Variants in CEP89 observed in about 807,000 individuals in gnomAD.
CEP89 encodes the protein centrosomal protein of 89 kDa.
CEP89 carries 95 observed loss-of-function variants against 97.6 expected under a neutral mutation model. The observed-to-expected ratio is 0.97, with a 90% CI of 0.82 to 1.15. The LOEUF is 1.15. Ranked by LOEUF, CEP89 falls within the 50% of genes most tolerant of loss-of-function variation. The pLI is 0.00. For missense variants in CEP89, 869 were observed against 947.7 expected (o/e 0.92, Z 1.09); for synonymous variants, 354 against 349.1 (o/e 1.01, Z -0.16).
intron 14 of CEP89, among the ~76,000 whole-genome samples, chr19:32,914,664 G>A (rs1970082404): frequency 6.6e-6 from 1 of 152,048 alleles, no homozygotes; most frequent in Non-Finnish European, 1.5e-5. Context: ...AGTGCAGACT[G>A]CAGCCCTCAA....
chr19:32,946,784 C>T (rs1237000808), intron 5 of CEP89, among the ~76,000 whole-genome samples: 1 of 152,112 alleles, frequency 6.6e-6, no homozygotes, highest in Non-Finnish European at 1.5e-5. Context: ...GTAAGATGTG[C>T]CTTTCACCTT....
At chr19:32,968,030 G>T (rs949645282) in intron 1 of CEP89, among the ~76,000 whole-genome samples, 1 of 152,128 alleles carries the variant, frequency 6.6e-6, no homozygotes, top group East Asian at 1.9e-4. Flanking sequence ...TCTTTCAGGA[G>T]TGAGGGATGG....
At chr19:32,951,904 T>C (rs996838794) in intron 4 of CEP89, among the ~76,000 whole-genome samples, 1 of 152,140 alleles carries the variant, frequency 6.6e-6, no homozygotes, top group African/African-American at 2.4e-5. Context: ...GCTTTCCCTC[T>C]AGAACAGTGG....
intron 16 of CEP89, among the ~76,000 whole-genome samples, chr19:32,894,243 A>G (rs903073242): frequency 4.6e-5 from 7 of 152,114 alleles, no homozygotes; most frequent in African/African-American, 1.2e-4. Context: ...AAGTTATGAG[A>G]CCATACTGAC....
At chr19:32,908,583 T>C (rs940077747) in intron 14 of CEP89, among the ~76,000 whole-genome samples, 1 of 151,738 alleles carries the variant, frequency 6.6e-6, no homozygotes, top group Non-Finnish European at 1.5e-5. Context: ...AAATGAGGAG[T>C]AGGAAACTGA....
chr19:32,918,865 CTTTTTT>C lies in CEP89; in HGVS notation c.1269-532_1269-527del, dbSNP rs1396185325. 3.7e-5 allele frequency among the ~76,000 whole-genome samples: 5 copies of C among 134,180 alleles called. 2 individuals carry two copies. The highest frequency in any genetic ancestry group is 1.7e-4 in the Admixed American group (2 of 12,074). The allele number at this position is 134,180 out of a possible 152,430, so 88.0% of individuals were successfully genotyped here. On this transcript the variant is annotated intron_variant, in intron 12 of 18. Transcript: ENST00000305768. The stretch of plus-strand genomic sequence containing the variant: ...CAGGCTTTGAAATGGTTTCTTTTTT[CTTTTTT>C]CTTTTTCTTTTTCTTTTTTTTTTTT...
Position 32,937,782 on chromosome 19 carries a change from C to A in CEP89, c.625-109G>T. On this transcript the variant is annotated intron_variant, in intron 6 of 18. Coordinates refer to ENST00000305768, the MANE Select transcript of CEP89 (RefSeq NM_032816.5). ...GCAGGTATATAAGCATGCTTTATTT[C>A]CTTCATTTTGACTCTTGTTCTTTGT... 3.9e-6 allele frequency: 3 copies of A among 771,034 alleles called. No homozygotes were observed. In the East Asian group the frequency reaches 7.5e-5, roughly 19 times the overall value. 47.8% of individuals were successfully genotyped at this position (771,034 alleles called of 1,614,324 possible).
At chr19:32,930,741 G>A (rs1970454905) in intron 9 of CEP89, among the ~76,000 whole-genome samples, 1 of 152,226 alleles carries the variant, frequency 6.6e-6, no homozygotes, top group Non-Finnish European at 1.5e-5. Flanking sequence ...CAGTGAGAGT[G>A]TGTGGAGTTG....
In CEP89 at chr19:32,878,007, T is replaced by A. The variant is rs1248280067; in HGVS notation, c.*1155A>T. ...GTTGGCCAGGCTGGTCTCGAACTCC[T>A]GGCCTCGGGTGATCCGCCTGCCTCG... On this transcript the variant is annotated 3_prime_UTR_variant, in exon 19 of 19. Coordinates refer to ENST00000305768, the MANE Select transcript of CEP89 (RefSeq NM_032816.5). 6.6e-6 allele frequency: 1 copy of A among 152,194 alleles called. No homozygotes were observed. Among genetic ancestry groups the A allele is most frequent in the Non-Finnish European group, 1.5e-5 (1 of 68,050 alleles). The allele number at this position is 152,194 out of a possible 1,614,324, so 9.4% of individuals were successfully genotyped here.
At chr19:32,880,009 C>T (rs2145863735) in intron 18 of CEP89, among the ~76,000 whole-genome samples, 2 of 152,336 alleles carry the variant, frequency 1.3e-5, no homozygotes, top group Middle Eastern at 3.4e-3. Flanking sequence ...CCCTGAGGGG[C>T]CGAGGCATGT....
At chr19:32,937,704 T>G (rs760713954) in intron 6 of CEP89, 31 bp from the exon 7 acceptor site, 1 of 1,546,126 alleles carries the variant, frequency 6.5e-7, no homozygotes, top group South Asian at 1.1e-5. Flanking sequence ...GAGGAATAAG[T>G]GCAGAGCATT....
chr19:32,898,036 T>A (rs1027166127), intron 16 of CEP89, among the ~76,000 whole-genome samples: 2 of 152,238 alleles, frequency 1.3e-5, no homozygotes, highest in Non-Finnish European at 2.9e-5. Flanking sequence ...GGGTATTTAT[T>A]CACAGGCAAG....
intron 15 of CEP89, among the ~76,000 whole-genome samples, chr19:32,900,802 T>C (rs2145887656): frequency 6.6e-6 from 1 of 152,236 alleles, no homozygotes; most frequent in African/African-American, 2.4e-5. Context: ...TGATATCCAG[T>C]AATTTCAATT....
At chr19:32,940,756 A>G (rs978952673) in intron 5 of CEP89, among the ~76,000 whole-genome samples, 1 of 150,130 alleles carries the variant, frequency 6.7e-6, no homozygotes, top group Admixed American at 6.7e-5. Flanking sequence ...AAAGTTGGAC[A>G]TCGAGTTGCT....
chr19:32,917,046 T>G (rs1048344562), intron 13 of CEP89, among the ~76,000 whole-genome samples: 1 of 152,106 alleles, frequency 6.6e-6, no homozygotes, highest in Non-Finnish European at 1.5e-5. Flanking sequence ...TCAAAGTGAA[T>G]CGCTGTTTCT....
At chr19:32,942,049 AT>A (rs1311504131) in intron 5 of CEP89, among the ~76,000 whole-genome samples, 1 of 152,148 alleles carries the variant, frequency 6.6e-6, no homozygotes, top group East Asian at 1.9e-4. Flanking sequence ...ACAAAATAAA[AT>A]TGGGGGAGCA....
Position 32,931,480 on chromosome 19 carries a change from A to C in CEP89, c.978T>G (p.Asn326Lys). The change falls in exon 9 of 19, where the codon AAT (asparagine) becomes AAG (lysine). Residue 326 changes from asparagine (N) to lysine (K), a missense_variant. Asn to Lys is a moderately conservative substitution (Grantham distance 94, BLOSUM62 0). Transcript: ENST00000305768. ...DGLKMTVHRL[N>K]VELSRYQTKF... ...TTGTCTGATATCGACTGAGTTCTAC[A>C]TTCAAACGATGGACAGTCATTTTCA... 1.3e-6 allele frequency: 2 copies of C among 1,596,218 alleles called. No individual in the cohort carries two copies. Among genetic ancestry groups the C allele is most frequent in the South Asian group, 2.3e-5 (2 of 86,080 alleles).
rs201851222 is a variant in CEP89, at chr19:32,926,983, C to A, written c.1031G>T (p.Ser344Ile). The A allele has an allele frequency of 8.7e-6, 14 of 1,613,048 alleles. No individual in the cohort carries two copies. In the Admixed American group the frequency reaches 2.3e-4, roughly 27 times the overall value. ...GGATGGGAGGCCTTCAATATTTAAGCTCTAAGAACAAAACATGTATTGAAG... is the reference window on the plus strand; with the variant it reads ...GGATGGGAGGCCTTCAATATTTAAGATCTAAGAACAAAACATGTATTGAAG... ...TKFRHLSKEE[S>I]LNIEGLPSKG... is the part of the protein sequence containing the mutation. The change falls in exon 10 of 19, where the codon AGC becomes ATC. Residue 344 changes from serine (S) to isoleucine (I), a missense_variant and splice_region_variant. Transcript: ENST00000305768.
intron 11 of CEP89, 93 bp from the exon 12 acceptor site, chr19:32,923,635 G>C (rs1970298245): frequency 2.5e-6 from 2 of 814,464 alleles, no homozygotes; most frequent in African/African-American, 3.4e-5. Flanking sequence ...AAATCAAATG[G>C]TAACAGCCAT....
Sources: allele counts gnomAD v4.1 joint callset (sites outside exome capture counted in the v4.1 genomes callset), GRCh38; gene constraint gnomAD v4.1.1; transcripts MANE v1.5; gene names NCBI Gene and HGNC (gene_info 2026-07-23, HGNC 2026-07-21).